PRMT8: variants seen among roughly 807,000 people sequenced by gnomAD.
PRMT8 encodes the protein protein arginine methyltransferase 8, also known as protein arginine N-methyltransferase 8.
Under a neutral mutation model 47.1 loss-of-function variants are expected in PRMT8, and 7 were observed. That is an observed-to-expected ratio of 0.15 (90% CI 0.08 to 0.28). The LOEUF (loss-of-function observed/expected upper bound fraction) is 0.28, where lower values mean the gene tolerates loss of function less well. Among genes scored for constraint, PRMT8 ranks in the 10% least tolerant of loss-of-function variants. The probability of loss-of-function intolerance (pLI) is 1.00; values close to 1 mark genes in which losing one functional copy is unlikely to be tolerated. For synonymous variants in PRMT8, 188 were observed against 186.5 expected (o/e 1.01, Z -0.07); for missense variants, 237 against 505.4 (o/e 0.47, Z 5.09).
Position 3,552,347 on chromosome 12 carries a change from G to A in PRMT8, c.418-1304G>A. 1 of 162,868 alleles carries A rather than the reference G, an allele frequency of 6.1e-6. No homozygotes were observed. Among genetic ancestry groups the A allele is most frequent in the South Asian group, 1.6e-4 (1 of 6,100 alleles). 10.1% of individuals were successfully genotyped at this position (162,868 alleles called of 1,614,324 possible). A position where few individuals can be genotyped will look rare whatever the true frequency, so the allele number is the denominator to read the frequency against. ...AAGGACACCGCCCCGCACTCTGAGTGTTGAGCAAGCTTCGGCTGAGTTTAC... is the reference window on the plus strand; with the variant it reads ...AAGGACACCGCCCCGCACTCTGAGTATTGAGCAAGCTTCGGCTGAGTTTAC... On this transcript the variant is annotated intron_variant, in intron 3 of 9. Transcript: ENST00000382622. The surrounding 1 kb of genome is among the most constrained non-coding windows in gnomAD (Gnocchi z 4.5).
At chr12:3,475,005 ACCCTCACACT>A (rs1476578932) in intron 1 of PRMT8, among the ~76,000 whole-genome samples, 1 of 152,126 alleles carries the variant, frequency 6.6e-6, no homozygotes, top group Non-Finnish European at 1.5e-5. Flanking sequence ...CATCCAGCCC[ACCCTCACACT>A]GTGAGGCTCC....
intron 1 of PRMT8, among the ~76,000 whole-genome samples, chr12:3,437,389 C>A (rs1864755224): frequency 6.6e-6 from 1 of 151,622 alleles, no homozygotes; most frequent in Non-Finnish European, 1.5e-5. Flanking sequence ...ATTTTAGGCT[C>A]AGGGGTACAT....
intron 1 of PRMT8, among the ~76,000 whole-genome samples, chr12:3,497,603 T>C (rs574193947): frequency 2.0e-5 from 3 of 152,224 alleles, no homozygotes; most frequent in Non-Finnish European, 4.4e-5. Flanking sequence ...AGACTTCTAA[T>C]AGGAATAGCT....
At position 3,538,783 on chromosome 12, in the gene PRMT8, C is replaced by A; in HGVS notation, c.76-1823C>A. Reference sequence around the variant, plus strand: ...GCCTCCCAGAGACCGTGACCAACATCCCAAGCTGAGAGTGGGCACACCTGC... The same window carrying A: ...GCCTCCCAGAGACCGTGACCAACATACCAAGCTGAGAGTGGGCACACCTGC... On this transcript the variant is annotated intron_variant, in intron 1 of 9. Coordinates refer to ENST00000382622, the MANE Select transcript of PRMT8 (RefSeq NM_019854.5). The surrounding 1 kb of genome is among the most constrained non-coding windows in gnomAD (Gnocchi z 4.6). The A allele has an allele frequency of 1.9e-6, 1 of 517,096 alleles. No individual in the cohort carries two copies. Among genetic ancestry groups the A allele is most frequent in the Non-Finnish European group, 3.9e-6 (1 of 258,572 alleles). The allele number at this position is 517,096 out of a possible 1,614,324, so 32.0% of individuals were successfully genotyped here.
At chr12:3,497,845 T>A (rs1358924848) in intron 1 of PRMT8, among the ~76,000 whole-genome samples, 1 of 152,216 alleles carries the variant, frequency 6.6e-6, no homozygotes, top group Non-Finnish European at 1.5e-5. Flanking sequence ...AGTCATAGAA[T>A]GTTAAAGTTG....
In PRMT8 at chr12:3,580,550, T is replaced by C. The variant is rs1867041209; in HGVS notation, c.829-2508T>C. 6.6e-6 allele frequency among the ~76,000 whole-genome samples: 1 copy of C among 152,178 alleles called. No homozygotes were observed. On this transcript the variant is annotated intron_variant, in intron 7 of 9. Coordinates refer to ENST00000382622, the MANE Select transcript of PRMT8 (RefSeq NM_019854.5). This position sits in a 1 kb window ranked among gnomAD's most constrained non-coding sequence, Gnocchi z 4.6. ...AGACCTGTTCTGAGAAGAAGATTGA[T>C]GAGTCAACACATATTGCTGTGTATT...
intron 8 of PRMT8, among the ~76,000 whole-genome samples, chr12:3,584,515 C>T (rs1867130553): frequency 6.6e-6 from 1 of 152,170 alleles, no homozygotes; most frequent in Non-Finnish European, 1.5e-5. Context: ...CCTAACATCT[C>T]GTGCATGTGC....
At chr12:3,530,156 T>C (rs1426487462) in intron 1 of PRMT8, among the ~76,000 whole-genome samples, 5 of 152,196 alleles carry the variant, frequency 3.3e-5, no homozygotes, top group Non-Finnish European at 7.3e-5. Flanking sequence ...CTGATGATTA[T>C]TATTCCCAAT....
intron 1 of PRMT8, among the ~76,000 whole-genome samples, chr12:3,531,764 G>A (rs543568847): frequency 6.6e-6 from 1 of 152,214 alleles, no homozygotes; most frequent in Non-Finnish European, 1.5e-5. Context: ...TGAAGGTGGC[G>A]GCGCCCACAC....
intron 1 of PRMT8, among the ~76,000 whole-genome samples, chr12:3,408,623 CA>C (rs1322549788): frequency 7.2e-5 from 11 of 152,190 alleles, no homozygotes; most frequent in African/African-American, 2.4e-4. Flanking sequence ...TTGATGGTGT[CA>C]TTTATTTTTT....
At chr12:3,494,999 G>A (rs1043085457) in intron 1 of PRMT8, among the ~76,000 whole-genome samples, 9 of 152,120 alleles carry the variant, frequency 5.9e-5, no homozygotes, top group Non-Finnish European at 1.2e-4. Flanking sequence ...CTCGGCTAAG[G>A]GAATCACCAT....
chr12:3,493,482 C>G lies in PRMT8; in HGVS notation c.75+1782C>G, dbSNP rs937134965. 2.6e-5 allele frequency among the ~76,000 whole-genome samples: 4 copies of G among 152,188 alleles called. No individual in the cohort carries two copies. Among genetic ancestry groups the G allele is most frequent in the African/African-American group, 4.8e-5 (2 of 41,446 alleles). ...CTTCCTCCCTGCATTTCCACCTCAC[C>G]CCACCCCCGGCTCATTTTTCTAAGA... On this transcript the variant is annotated intron_variant, in intron 1 of 9. Coordinates refer to ENST00000382622, the MANE Select transcript of PRMT8 (RefSeq NM_019854.5). The surrounding 1 kb of genome is among the most constrained non-coding windows in gnomAD (Gnocchi z 8.2).
rs954484088 is a variant in PRMT8 at position 3,409,243 on chromosome 12, C to A, written c.48+27801C>A. ...GCTGGATTTTTAACTATGACCCTGA[C>A]TCTGGGGTGCAGGGCACAGCACTGG... On this transcript the variant is annotated intron_variant, in intron 1 of 9. Transcript: ENST00000452611. This position sits in a 1 kb window ranked among gnomAD's most constrained non-coding sequence, Gnocchi z 4.4. Among the ~76,000 whole-genome samples, 1 of 152,052 alleles carries A rather than the reference C, an allele frequency of 6.6e-6. No individual in the cohort carries two copies. Among genetic ancestry groups the A allele is most frequent in the Non-Finnish European group, 1.5e-5 (1 of 68,004 alleles).
At chr12:3,558,462 C>CTTT (rs1866566257) in intron 4 of PRMT8, among the ~76,000 whole-genome samples, 1 of 152,150 alleles carries the variant, frequency 6.6e-6, no homozygotes, top group Non-Finnish European at 1.5e-5. Flanking sequence ...GAAATTAAAA[C>CTTT]GTCATCATTA....
intron 1 of PRMT8, among the ~76,000 whole-genome samples, chr12:3,381,629 T>A (rs1316876946): frequency 6.6e-6 from 1 of 152,242 alleles, no homozygotes; most frequent in African/African-American, 2.4e-5. Flanking sequence ...TCTTGTTGAC[T>A]GTACACTGGT....
In PRMT8 at chr12:3,492,412, G is replaced by A. The variant is rs530234712; in HGVS notation, c.75+712G>A. On this transcript the variant is annotated intron_variant, in intron 1 of 9. Transcript: ENST00000382622. The surrounding 1 kb of genome is among the most constrained non-coding windows in gnomAD (Gnocchi z 7.5). ...GACAGCGTCCGCCCCTGCAGCAGCCGAGCCTGCGCGGACTGTGGGGGCTGC... is the reference window on the plus strand; with the variant it reads ...GACAGCGTCCGCCCCTGCAGCAGCCAAGCCTGCGCGGACTGTGGGGGCTGC... Among the ~76,000 whole-genome samples, 1 of 152,202 alleles carries A rather than the reference G, an allele frequency of 6.6e-6. No individual in the cohort carries two copies. Among genetic ancestry groups the A allele is most frequent in the Non-Finnish European group, 1.5e-5 (1 of 68,036 alleles).
chr12:3,445,155 G>A lies in PRMT8; in HGVS notation c.48+63713G>A, dbSNP rs74057414. ...CAAGTGTGTAAATAATGAATTCAGAGTTACATCCACATTGCCTCATGGGTT... is the reference window on the plus strand; with the variant it reads ...CAAGTGTGTAAATAATGAATTCAGAATTACATCCACATTGCCTCATGGGTT... On this transcript the variant is annotated intron_variant, in intron 1 of 9. Transcript: ENST00000452611. Among the ~76,000 whole-genome samples, 360 of 152,324 alleles carry A rather than the reference G, an allele frequency of 2.4e-3. 1 individual carries two copies. Among genetic ancestry groups the A allele is most frequent in the African/African-American group, 8.2e-3 (342 of 41,576 alleles).
intron 1 of PRMT8, among the ~76,000 whole-genome samples, chr12:3,418,668 C>A (rs1201651133): frequency 1.3e-5 from 2 of 152,142 alleles, no homozygotes; most frequent in Admixed American, 1.3e-4. Context: ...AGCTACCTCA[C>A]CCCACTTTAC....
At chr12:3,423,867 T>C (rs1270324918) in intron 1 of PRMT8, among the ~76,000 whole-genome samples, 2 of 152,192 alleles carry the variant, frequency 1.3e-5, no homozygotes, top group Non-Finnish European at 2.9e-5. Context: ...CTTTTCCTTC[T>C]CTAGCTATGC....
Sources: allele counts gnomAD v4.1 joint callset (sites outside exome capture counted in the v4.1 genomes callset), GRCh38; gene constraint gnomAD v4.1.1; non-coding constraint Gnocchi (gnomAD v3.1); transcripts MANE v1.5; gene names NCBI Gene and HGNC (gene_info 2026-07-23, HGNC 2026-07-21).